The following CYFIP2 variants were observed in gnomAD, a reference collection of about 807,000 sequenced individuals.
The protein encoded by CYFIP2 is cytoplasmic FMR1 interacting protein 2, also known as cytoplasmic FMR1-interacting protein 2.
In CYFIP2, 29 loss-of-function variants were observed where a neutral mutation model predicts 158.7. The ratio of observed to expected loss-of-function variants is 0.18; its 90% CI spans 0.14 to 0.25. The LOEUF (loss-of-function observed/expected upper bound fraction) is 0.25. CYFIP2 is among the 10% of genes least tolerant of loss of function. The probability of loss-of-function intolerance (pLI) is 1.00; values close to 1 mark genes in which losing one functional copy is unlikely to be tolerated. For synonymous variants in CYFIP2, 585 were observed against 617.6 expected (o/e 0.95, Z 0.78); for missense variants, 852 against 1,639.5 (o/e 0.52, Z 8.29).
intron 10 of CYFIP2, among the ~76,000 whole-genome samples, chr5:157,310,675 C>T (rs960197896): frequency 6.6e-6 from 1 of 152,232 alleles, no homozygotes. Context: ...CTGAAGCTGG[C>T]TGGGAGCGGA....
intron 23 of CYFIP2, among the ~76,000 whole-genome samples, chr5:157,357,306 A>G (rs1390839919): frequency 6.6e-6 from 1 of 152,256 alleles, no homozygotes; most frequent in African/African-American, 2.4e-5. Context: ...ACCTAATTCA[A>G]AACTTAGACT....
At chr5:157,277,969 C>T (rs1313418475) in intron 1 of CYFIP2, among the ~76,000 whole-genome samples, 1 of 152,056 alleles carries the variant, frequency 6.6e-6, no homozygotes, top group African/African-American at 2.4e-5. Flanking sequence ...AATTGCAACA[C>T]AGTGGGAAGT....
chr5:157,323,098 C>A, intron 15 of CYFIP2: 1 of 1,241,122 alleles, frequency 8.1e-7, no homozygotes, highest in Non-Finnish European at 1.1e-6. Context: ...TCCTCAAGGC[C>A]CCTTCCAGCC....
intron 1 of CYFIP2, among the ~76,000 whole-genome samples, chr5:157,275,515 G>A (rs2113816589): frequency 6.6e-6 from 1 of 152,192 alleles, no homozygotes; most frequent in Non-Finnish European, 1.5e-5. Context: ...TGTCTTCATG[G>A]TAACACCACA....
At position 157,392,999 on chromosome 5, in the gene CYFIP2, A is replaced by G. The variant is rs1440870902; in HGVS notation, c.3761A>G (p.Ter1254=). The G allele has an allele frequency of 6.2e-7, 1 of 1,613,750 alleles. No homozygotes were observed. The highest frequency in any genetic ancestry group is 8.5e-7 in the Non-Finnish European group (1 of 1,179,798). The part of the protein sequence containing the change: ...PIHQSLATTC[*] Reference sequence around the variant, plus strand: ...CACCAGTCCTTGGCCACCACTTGCTAAGCAGAAGATCCTGCAGACCCTTAT... The same window carrying G: ...CACCAGTCCTTGGCCACCACTTGCTGAGCAGAAGATCCTGCAGACCCTTAT... Residue 1254 remains the stop codon, a stop_retained_variant, in exon 31 of 31, where the codon TAA becomes TGA. Coordinates refer to ENST00000620254, the MANE Select transcript of CYFIP2 (RefSeq NM_001037333.3).
chr5:157,282,136 G>T (rs1757034802), intron 1 of CYFIP2, among the ~76,000 whole-genome samples: 1 of 152,160 alleles, frequency 6.6e-6, no homozygotes. Flanking sequence ...AATTTATAAA[G>T]AAAAGAGGTT....
chr5:157,351,888 G>A (rs935087664), intron 23 of CYFIP2, among the ~76,000 whole-genome samples: 13 of 152,240 alleles, frequency 8.5e-5, no homozygotes, highest in Non-Finnish European at 1.5e-4. Context: ...GTAGCGTCAG[G>A]GAAGACATCA....
chr5:157,284,822 T>C lies in CYFIP2; in HGVS notation c.-23-517T>C, dbSNP rs1334614687. The stretch of plus-strand genomic sequence containing the variant: ...ATTTGCAGGAATTGAGTTATTTTAA[T>C]CCCAGTTTAATTAGCCTAAAAACCC... On this transcript the variant is annotated intron_variant, in intron 1 of 30. Coordinates refer to ENST00000620254, the MANE Select transcript of CYFIP2 (RefSeq NM_001037333.3). 1.3e-5 allele frequency among the ~76,000 whole-genome samples: 2 copies of C among 152,240 alleles called. 1 individual carries two copies. The highest frequency in any genetic ancestry group is 2.9e-5 in the Non-Finnish European group (2 of 68,044).
chr5:157,359,170 G>T, intron 24 of CYFIP2, 22 bp downstream of exon 24: 1 of 1,613,618 alleles, frequency 6.2e-7, no homozygotes. Flanking sequence ...CCTCAGTGTG[G>T]CTTGAGATAT....
intron 22 of CYFIP2, 86 bp from the exon 23 acceptor site, chr5:157,340,984 G>T (rs755668825): frequency 1.3e-4 from 168 of 1,286,120 alleles, no homozygotes; most frequent in Admixed American, 3.0e-4. Context: ...CCTTCACCTG[G>T]CCAGGAAGCA....
chr5:157,367,529 G>T (rs778533706), intron 26 of CYFIP2, among the ~76,000 whole-genome samples: 2 of 152,128 alleles, frequency 1.3e-5, no homozygotes, highest in African/African-American at 4.8e-5. Context: ...TAAGGTTAGC[G>T]TATTACAGTA....
intron 1 of CYFIP2, among the ~76,000 whole-genome samples, chr5:157,276,695 CTAGG>C (rs1756573814): frequency 6.6e-6 from 1 of 152,168 alleles, no homozygotes; most frequent in African/African-American, 2.4e-5. Context: ...GGTCACACAA[CTAGG>C]TATTGGCAGA....
chr5:157,280,649 C>T (rs1756925019), intron 1 of CYFIP2, among the ~76,000 whole-genome samples: 2 of 151,954 alleles, frequency 1.3e-5, no homozygotes, highest in Non-Finnish European at 2.9e-5. Context: ...AAATTTGAAA[C>T]ATATATAAAA....
At chr5:157,385,117 G>A (rs1453198343) in intron 28 of CYFIP2, among the ~76,000 whole-genome samples, 1 of 152,170 alleles carries the variant, frequency 6.6e-6, no homozygotes, top group Non-Finnish European at 1.5e-5. Context: ...AGTGACATGT[G>A]AATGTGTCTG....
At chr5:157,384,803 G>A (rs915095664) in intron 28 of CYFIP2, 6 of 299,452 alleles carry the variant, frequency 2.0e-5, no homozygotes, top group African/African-American at 1.3e-4. Context: ...AGCCAGGCGT[G>A]GTGGCGGGCA....
chr5:157,337,626 G>A (rs1761954916), intron 21 of CYFIP2, among the ~76,000 whole-genome samples: 1 of 152,212 alleles, frequency 6.6e-6, no homozygotes, highest in Admixed American at 6.5e-5. Flanking sequence ...ATCTCCACCT[G>A]ACCATGCTCT....
At chr5:157,392,789 C>G (rs753702330) in intron 30 of CYFIP2, 44 bp from the exon 31 acceptor site, 1 of 1,599,940 alleles carries the variant, frequency 6.3e-7, no homozygotes, top group Non-Finnish European at 8.5e-7. Context: ...CTTTCCACCC[C>G]CACTTTGTCC....
chr5:157,302,857 C>A lies in CYFIP2; in HGVS notation c.633C>A (p.Ser211=), dbSNP rs751317811. Residue 211 remains serine, a synonymous_variant, in exon 7 of 31, where the codon TCC becomes TCA. Coordinates refer to ENST00000620254, the MANE Select transcript of CYFIP2 (RefSeq NM_001037333.3). ...CTATCCAGGAGTCGCAGAACCTTTC[C>A]ATGTTCCTGGCCAACCACAACAGGA... is the stretch of plus-strand genomic sequence containing the variant. ...PQSIQESQNL[S]MFLANHNRIT... The A allele has an allele frequency of 2.5e-6, 4 of 1,585,270 alleles. No homozygotes were observed. Among genetic ancestry groups the A allele is most frequent in the Middle Eastern group, 1.7e-4 (1 of 6,028 alleles).
intron 26 of CYFIP2, chr5:157,363,263 T>C (rs1764010674): frequency 6.6e-6 from 1 of 152,258 alleles, no homozygotes; most frequent in Non-Finnish European, 1.5e-5. Context: ...TGCCTCATTC[T>C]CAGAACCTAG....
Sources: gnomAD v4.1 joint callset for allele counts (sites outside exome capture counted in the v4.1 genomes callset) on GRCh38, gnomAD v4.1.1 for gene constraint, MANE v1.5 for transcripts, NCBI Gene and HGNC (gene_info 2026-07-23, HGNC 2026-07-21) for gene names.